Variants in MDGA2 observed in about 807,000 individuals in gnomAD.
The protein encoded by MDGA2 is MAM domain-containing glycosylphosphatidylinositol anchor protein 2.
A neutral mutation model predicts 117.8 loss-of-function variants in MDGA2; 40 were observed. That is an observed-to-expected ratio of 0.34 (90% CI 0.26 to 0.44). MDGA2 has a LOEUF of 0.44. Among genes scored for constraint, MDGA2 ranks in the 20% least tolerant of loss-of-function variants. The pLI is 1.00. For missense variants in MDGA2, 1,123 were observed against 1,250.6 expected, an observed-to-expected ratio of 0.90 and a Z score of 1.54; for synonymous variants, 452 against 439.0, an observed-to-expected ratio of 1.03 and a Z score of -0.37.
At chr14:47,476,763 TA>T (rs1197597926) in intron 1 of MDGA2, among the ~76,000 whole-genome samples, 1 of 152,182 alleles carries the variant, frequency 6.6e-6, no homozygotes, top group African/African-American at 2.4e-5. Flanking sequence ...ATTGAAAATA[TA>T]AAAACATGAC....
intron 1 of MDGA2, among the ~76,000 whole-genome samples, chr14:47,312,693 G>GTTTTTTTTTTTTTTT (rs375332903): frequency 1.9e-5 from 2 of 104,364 alleles, no homozygotes; most frequent in Non-Finnish European, 3.9e-5. Context: ...TTTTTGTTTT[G>GTTTTTTTTTTTTTTT]TTTTGTTTTT....
At chr14:47,138,111 T>C (rs1882545388) in intron 4 of MDGA2, among the ~76,000 whole-genome samples, 1 of 152,174 alleles carries the variant, frequency 6.6e-6, no homozygotes, top group African/African-American at 2.4e-5. Context: ...AAGCAGAGAA[T>C]ATGTGCACAC....
chr14:46,855,232 A>C lies in MDGA2; in HGVS notation c.2753-78T>G. 8.1e-7 allele frequency: 1 copy of C among 1,228,218 alleles called. No individual in the cohort carries two copies. Among genetic ancestry groups the C allele is most frequent in the Non-Finnish European group, 1.1e-6 (1 of 878,858 alleles). 76.1% of individuals were successfully genotyped at this position (1,228,218 alleles called of 1,614,324 possible). On this transcript the variant is annotated intron_variant, in intron 14 of 16. Transcript: ENST00000399232. The surrounding 1 kb of genome is among the most constrained non-coding windows in gnomAD (Gnocchi z 4.1). ...GTTTTTCCTTGACCAAACACTTGTAAACTTTTTAAACTGAAATTTTACAGA... is the reference window on the plus strand; with the variant it reads ...GTTTTTCCTTGACCAAACACTTGTACACTTTTTAAACTGAAATTTTACAGA...
chr14:47,508,749 G>A (rs1043486646), intron 1 of MDGA2, among the ~76,000 whole-genome samples: 2 of 152,008 alleles, frequency 1.3e-5, no homozygotes, highest in Non-Finnish European at 2.9e-5. Flanking sequence ...GTGCCATCAC[G>A]GCTCACTGCA....
chr14:47,472,099 A>G (rs1383322490), intron 1 of MDGA2, among the ~76,000 whole-genome samples: 5 of 152,170 alleles, frequency 3.3e-5, no homozygotes, highest in Non-Finnish European at 7.3e-5. Context: ...ATCCAGAAAA[A>G]GGGAGAAAAA....
At chr14:46,904,694 G>A (rs1453421903) in intron 10 of MDGA2, among the ~76,000 whole-genome samples, 1 of 152,150 alleles carries the variant, frequency 6.6e-6, no homozygotes, top group Non-Finnish European at 1.5e-5. Context: ...ACAAGCTAAT[G>A]TGTTCCCGTG....
intron 1 of MDGA2, among the ~76,000 whole-genome samples, chr14:47,436,503 TG>T (rs1892901417): frequency 6.6e-6 from 1 of 152,142 alleles, no homozygotes; most frequent in South Asian, 2.1e-4. Context: ...CTTCCCCTGA[TG>T]GAGTATGCCA....
intron 1 of MDGA2, chr14:47,444,111 A>T (rs889761441): frequency 5.1e-5 from 10 of 195,360 alleles, no homozygotes; most frequent in African/African-American, 2.4e-4. Context: ...CATCCCTAGA[A>T]AAATAATCCC....
At chr14:46,974,568 C>T (rs948862660) in intron 8 of MDGA2, among the ~76,000 whole-genome samples, 22 of 151,962 alleles carry the variant, frequency 1.4e-4, no homozygotes, top group Admixed American at 1.4e-3. Context: ...CCAGAAGTAC[C>T]CCTTGCATAT....
At chr14:47,213,095 T>C (rs544630602) in intron 3 of MDGA2, among the ~76,000 whole-genome samples, 6 of 152,188 alleles carry the variant, frequency 3.9e-5, no homozygotes, top group African/African-American at 1.4e-4. Context: ...TGGAGGAAAA[T>C]AGATAAAAGT....
At chr14:46,958,834 C>T (rs1885667775) in intron 8 of MDGA2, among the ~76,000 whole-genome samples, 1 of 152,312 alleles carries the variant, frequency 6.6e-6, no homozygotes, top group South Asian at 2.1e-4. Context: ...TTTCAATCCT[C>T]TGAATTTGTT....
At position 46,969,419 on chromosome 14, in the gene MDGA2, T is replaced by C. The variant is rs185732419; in HGVS notation, c.1820-11776A>G. Among the ~76,000 whole-genome samples the C allele has an allele frequency of 1.5e-3, 224 of 152,268 alleles. 4 individuals carry two copies. The highest frequency in any genetic ancestry group is 4.7e-3 in the African/African-American group (194 of 41,552). On this transcript the variant is annotated intron_variant, in intron 8 of 16. Coordinates refer to ENST00000399232, the MANE Select transcript of MDGA2 (RefSeq NM_001113498.3). The stretch of plus-strand genomic sequence containing the variant: ...CATCCTCTCCAGCACCTGTTGTTTC[T>C]TGACTTTTTAATGATCACCATGCTA...
intron 2 of MDGA2, among the ~76,000 whole-genome samples, chr14:47,273,158 A>C (rs900502893): frequency 3.9e-5 from 6 of 152,158 alleles, no homozygotes; most frequent in Admixed American, 6.6e-5. Context: ...TCAGTTTAAA[A>C]AATCTTGCAA....
chr14:46,999,871 T>C (rs1887440787), intron 8 of MDGA2, among the ~76,000 whole-genome samples: 1 of 152,082 alleles, frequency 6.6e-6, no homozygotes, highest in Non-Finnish European at 1.5e-5. Context: ...TAAGATCATC[T>C]GCTCTGTCTA....
At chr14:46,854,406 C>A (rs1362058104) in intron 15 of MDGA2, among the ~76,000 whole-genome samples, 1 of 151,384 alleles carries the variant, frequency 6.6e-6, no homozygotes, top group Non-Finnish European at 1.5e-5. Context: ...TATATTAACT[C>A]CACTGAAATA....
intron 2 of MDGA2, among the ~76,000 whole-genome samples, chr14:47,235,858 C>G (rs1886841094): frequency 6.6e-6 from 1 of 152,106 alleles, no homozygotes; most frequent in Non-Finnish European, 1.5e-5. Flanking sequence ...TCCCACATGG[C>G]TGAGCTTCAT....
intron 2 of MDGA2, among the ~76,000 whole-genome samples, chr14:47,264,219 A>T (rs958080323): frequency 6.6e-6 from 1 of 152,130 alleles, no homozygotes; most frequent in African/African-American, 2.4e-5. Flanking sequence ...ACTACTGAAA[A>T]TTTCTTCACA....
intron 7 of MDGA2, among the ~76,000 whole-genome samples, chr14:47,056,798 T>C (rs1464403608): frequency 6.6e-6 from 1 of 152,154 alleles, no homozygotes; most frequent in East Asian, 1.9e-4. Flanking sequence ...TTTTTGCAAA[T>C]GAGTGACAAT....
intron 6 of MDGA2, among the ~76,000 whole-genome samples, chr14:47,096,581 T>C (rs571203827): frequency 2.6e-5 from 4 of 152,042 alleles, no homozygotes; most frequent in South Asian, 4.1e-4. Context: ...TTTCAATCTT[T>C]TTTTAGCTAA....
Sources: gnomAD v4.1 joint callset for allele counts (sites outside exome capture counted in the v4.1 genomes callset) on GRCh38, gnomAD v4.1.1 for gene constraint, Gnocchi (gnomAD v3.1) non-coding constraint, MANE v1.5 for transcripts, NCBI Gene and HGNC (gene_info 2026-07-23, HGNC 2026-07-21) for gene names.